The following NCEH1 variants were observed in gnomAD, a reference collection of about 807,000 sequenced individuals.
The protein encoded by NCEH1 is neutral cholesterol ester hydrolase 1.
Under a neutral mutation model 25.4 loss-of-function variants are expected in NCEH1, and 9 were observed. The observed-to-expected ratio is 0.35, with a 90% CI of 0.21 to 0.62. The LOEUF is 0.62. Among genes scored for constraint, NCEH1 ranks in the 20% least tolerant of loss-of-function variants. NCEH1 has a pLI of 0.72. For missense variants in NCEH1, 412 were observed against 501.1 expected, an observed-to-expected ratio of 0.82 and a Z score of 1.70; for synonymous variants, 200 against 199.8, an observed-to-expected ratio of 1.00 and a Z score of -0.01.
In NCEH1 at chr3:172,645,614, A is replaced by G; in HGVS notation, c.437+9T>C. ...GAAAAATTTTCTATGACTAGCATTA[A>G]TTACTTACTCAATGGAAACAATGAC... On this transcript the variant is annotated intron_variant, in intron 3 of 4. Transcript: ENST00000475381. The G allele has an allele frequency of 6.4e-7, 1 of 1,570,736 alleles. No homozygotes were observed. Among genetic ancestry groups the G allele is most frequent in the Non-Finnish European group, 8.7e-7 (1 of 1,146,886 alleles).
intron 3 of NCEH1, among the ~76,000 whole-genome samples, chr3:172,639,104 T>A (rs1716733430): frequency 6.6e-6 from 1 of 151,982 alleles, no homozygotes. Context: ...ATCGAGACCA[T>A]CCTGGCCAAC....
chr3:172,671,957 A>G (rs1037339835), intron 1 of NCEH1, among the ~76,000 whole-genome samples: 1 of 152,234 alleles, frequency 6.6e-6, no homozygotes, highest in Non-Finnish European at 1.5e-5. Context: ...CTAAGTGTAC[A>G]GTATTTATAA....
In NCEH1 at chr3:172,635,918, G is replaced by A. The variant is rs747835226; in HGVS notation, c.607C>T (p.Gln203Ter). 8.7e-6 allele frequency: 14 copies of A among 1,613,974 alleles called. No individual in the cohort carries two copies. The highest frequency in any genetic ancestry group is 1.2e-5 in the Non-Finnish European group (14 of 1,179,958). ...GGNLAAALGQQFTQDASLKNK... is the reference protein window; with the variant it reads ...GGNLAAALGQ Reference sequence around the variant, plus strand: ...GCACCTTAGGACAGTGGTGTTACCTGTTGTCCAAGGGCAGCAGCCAGATTT... The same window carrying A: ...GCACCTTAGGACAGTGGTGTTACCTATTGTCCAAGGGCAGCAGCCAGATTT... The change falls in exon 4 of 5, where the codon CAG becomes TAG. Residue 203 changes from glutamine to a stop codon, truncating the protein, a stop_gained and splice_region_variant. Coordinates refer to ENST00000475381, the MANE Select transcript of NCEH1 (RefSeq NM_020792.6). LOFTEE classifies it low-confidence loss of function (END_TRUNC).
chr3:172,634,158 G>A (rs1196878322), intron 4 of NCEH1, 66 bp from the exon 5 acceptor site: 3 of 1,455,798 alleles, frequency 2.1e-6, no homozygotes, highest in Non-Finnish European at 2.8e-6. Context: ...ACCATACCCT[G>A]TAGAGTAGCT....
At chr3:172,659,915 T>G (rs1717888830) in intron 1 of NCEH1, among the ~76,000 whole-genome samples, 2 of 152,260 alleles carry the variant, frequency 1.3e-5, no homozygotes, top group South Asian at 4.1e-4. Flanking sequence ...TAAAAAATAA[T>G]TTTTAGGCAG....
At chr3:172,657,824 A>G (rs994939567) in intron 1 of NCEH1, among the ~76,000 whole-genome samples, 3 of 152,128 alleles carry the variant, frequency 2.0e-5, no homozygotes, top group Admixed American at 1.3e-4. Flanking sequence ...AACATTTTTC[A>G]TTTTTTTAAC....
intron 1 of NCEH1, among the ~76,000 whole-genome samples, chr3:172,707,658 C>T (rs904703091): frequency 5.9e-5 from 9 of 151,908 alleles, no homozygotes; most frequent in African/African-American, 1.7e-4. Context: ...TGATCTCGGC[C>T]CACTGCAAGC....
chr3:172,691,965 A>G (rs1463593924), intron 1 of NCEH1, among the ~76,000 whole-genome samples: 46 of 29,628 alleles, frequency 1.6e-3, no homozygotes, highest in Admixed American at 5.9e-3. Flanking sequence ...AAAAAAAAAA[A>G]AAAGAAAGAA....
chr3:172,686,684 G>A (rs1032972612), intron 1 of NCEH1, among the ~76,000 whole-genome samples: 3 of 152,196 alleles, frequency 2.0e-5, no homozygotes, highest in African/African-American at 4.8e-5. Flanking sequence ...GGCATCCTAG[G>A]TTTTATGCAA....
chr3:172,646,112 G>A (rs1486379713), intron 2 of NCEH1, among the ~76,000 whole-genome samples: 2 of 152,180 alleles, frequency 1.3e-5, no homozygotes, highest in Non-Finnish European at 2.9e-5. Flanking sequence ...CAGCACTTCA[G>A]GAGGCTAAGG....
In NCEH1 at chr3:172,640,399, G is replaced by T. The variant is rs534448520; in HGVS notation, c.438-4312C>A. 7.9e-4 allele frequency among the ~76,000 whole-genome samples: 120 copies of T among 152,254 alleles called. 1 individual carries two copies. The highest frequency in any genetic ancestry group is 1.7e-3 in the Admixed American group (26 of 15,288). On this transcript the variant is annotated intron_variant, in intron 3 of 4. Coordinates refer to ENST00000475381, the MANE Select transcript of NCEH1 (RefSeq NM_020792.6). ...CTCTCTGAGTGAGACAACTCCAGAG[G>T]GAGAATCTATTTATTCCACTAACAG...
chr3:172,677,577 C>T (rs941434358), intron 1 of NCEH1, among the ~76,000 whole-genome samples: 1 of 130,768 alleles, frequency 7.6e-6, no homozygotes, highest in East Asian at 2.3e-4. Context: ...TCATTTGGGG[C>T]TTAGAGAAGT....
chr3:172,643,694 T>C (rs1184248346), intron 3 of NCEH1, among the ~76,000 whole-genome samples: 3 of 152,332 alleles, frequency 2.0e-5, no homozygotes, highest in East Asian at 1.9e-4. Context: ...GTTTAGGGCA[T>C]GTGGCCAAAT....
At position 172,675,323 on chromosome 3, in the gene NCEH1, A is replaced by AATT. The variant is rs1553835594; in HGVS notation, c.139-27210_139-27209insAAT. Reference sequence around the variant, plus strand: ...GTCTCAAATAAATAAATAAATAAATAAATAAATAAATAAATAAATGATTTT... The same window carrying AATT: ...GTCTCAAATAAATAAATAAATAAATAATTAATAAATAAATAAATAAATGATTTT... On this transcript the variant is annotated intron_variant, in intron 1 of 4. Coordinates refer to ENST00000475381, the MANE Select transcript of NCEH1 (RefSeq NM_020792.6). Among the ~76,000 whole-genome samples the AATT allele has an allele frequency of 7.7e-3, 1,115 of 144,776 alleles. 9 individuals are homozygous for AATT. Among genetic ancestry groups the AATT allele is most frequent in the East Asian group, 0.032 (152 of 4,740 alleles). The allele number at this position is 144,776 out of a possible 152,430, so 95.0% of individuals were successfully genotyped here.
At chr3:172,679,444 C>T (rs1052959169) in intron 1 of NCEH1, among the ~76,000 whole-genome samples, 2 of 152,154 alleles carry the variant, frequency 1.3e-5, no homozygotes, top group East Asian at 1.9e-4. Flanking sequence ...TTTACACCCC[C>T]CACCCCCGAC....
intron 1 of NCEH1, among the ~76,000 whole-genome samples, chr3:172,677,785 A>G (rs960983464): frequency 4.6e-5 from 7 of 152,164 alleles, no homozygotes; most frequent in Non-Finnish European, 8.8e-5. Context: ...AAAATTAGCC[A>G]GGCGTGGTGG....
At chr3:172,696,976 A>G (rs1042961987) in intron 1 of NCEH1, among the ~76,000 whole-genome samples, 3 of 152,050 alleles carry the variant, frequency 2.0e-5, no homozygotes, top group Non-Finnish European at 4.4e-5. Flanking sequence ...TCCAGGCTGG[A>G]GTACAATGGC....
rs549290176 is a variant in NCEH1 at position 172,683,185 on chromosome 3, C to T, written c.138+27662G>A. On this transcript the variant is annotated intron_variant, in intron 1 of 4. Coordinates refer to ENST00000475381, the MANE Select transcript of NCEH1 (RefSeq NM_020792.6). ...TTGGGAGGCCGAGGCGGGCGGATCA[C>T]GAGGTCAGGAGATCGAGACCATCCC... Among the ~76,000 whole-genome samples the T allele has an allele frequency of 4.6e-5, 3 of 64,920 alleles. 1 individual carries two copies. The highest frequency in any genetic ancestry group is 6.7e-4 in the East Asian group (2 of 2,972). The allele number at this position is 64,920 out of a possible 152,430, so 42.6% of individuals were successfully genotyped here.
chr3:172,695,398 C>T (rs1260220978), intron 1 of NCEH1, among the ~76,000 whole-genome samples: 3 of 152,190 alleles, frequency 2.0e-5, no homozygotes, highest in African/African-American at 7.2e-5. Context: ...AATACCTTGG[C>T]AAAGCCCAGT....
Sources: gnomAD v4.1 joint callset for allele counts (sites outside exome capture counted in the v4.1 genomes callset) on GRCh38, gnomAD v4.1.1 for gene constraint, MANE v1.5 for transcripts, NCBI Gene and HGNC (gene_info 2026-07-23, HGNC 2026-07-21) for gene names.